SFSWAP: variants seen among roughly 807,000 people sequenced by gnomAD.
SFSWAP encodes splicing factor SWAP.
A neutral mutation model predicts 100.7 loss-of-function variants in SFSWAP; 17 were observed. That is an observed-to-expected ratio of 0.17 (90% confidence interval 0.12 to 0.25). SFSWAP has a LOEUF of 0.25. Among genes scored for constraint, SFSWAP ranks in the 10% least tolerant of loss-of-function variants. SFSWAP has a pLI of 1.00. For missense variants in SFSWAP, 1,005 were observed against 1,262.6 expected (o/e 0.80, Z 3.09); for synonymous variants, 504 against 510.1 (o/e 0.99, Z 0.16).
intron 13 of SFSWAP, among the ~76,000 whole-genome samples, chr12:131,771,161 A>G (rs1326827108): frequency 6.6e-6 from 1 of 152,214 alleles, no homozygotes; most frequent in African/African-American, 2.4e-5. Flanking sequence ...ATAGGGGATC[A>G]TACCCTACAT....
At chr12:131,793,029 C>T (rs1411478900) in intron 15 of SFSWAP, among the ~76,000 whole-genome samples, 1 of 151,924 alleles carries the variant, frequency 6.6e-6, no homozygotes, top group African/African-American at 2.4e-5. Context: ...ATTCCATACC[C>T]AAAGGGCAGG....
At chr12:131,751,673 G>C (rs1348184398) in intron 7 of SFSWAP, among the ~76,000 whole-genome samples, 1 of 152,242 alleles carries the variant, frequency 6.6e-6, no homozygotes, top group Non-Finnish European at 1.5e-5. Flanking sequence ...TTGATAGGAA[G>C]CCTATGTTGG....
intron 14 of SFSWAP, 46 bp from the exon 15 acceptor site, chr12:131,786,417 C>T (rs762360554): frequency 6.5e-6 from 10 of 1,549,794 alleles, no homozygotes; most frequent in Admixed American, 3.8e-5. Flanking sequence ...TGACACGTCC[C>T]GCCAGCCAGG....
intron 11 of SFSWAP, among the ~76,000 whole-genome samples, chr12:131,762,491 T>C (rs960853756): frequency 6.6e-6 from 1 of 152,242 alleles, no homozygotes; most frequent in Admixed American, 6.5e-5. Flanking sequence ...TACTCTTATT[T>C]GTTGATTGCG....
intron 11 of SFSWAP, among the ~76,000 whole-genome samples, chr12:131,759,915 A>G (rs1034834958): frequency 6.6e-5 from 10 of 152,252 alleles, no homozygotes; most frequent in African/African-American, 2.4e-4. Context: ...TTTACATATT[A>G]ACAGATGAGT....
chr12:131,776,279 C>T (rs1884016652), intron 13 of SFSWAP, among the ~76,000 whole-genome samples: 3 of 152,132 alleles, frequency 2.0e-5, no homozygotes, highest in African/African-American at 7.2e-5. Flanking sequence ...AACCTCATAG[C>T]GGCCATCAGA....
intron 13 of SFSWAP, 142 bp from the exon 14 acceptor site, chr12:131,777,923 C>G (rs1410922552): frequency 1.5e-5 from 21 of 1,374,256 alleles, no homozygotes; most frequent in Non-Finnish European, 1.9e-5. Context: ...GGAGGTCACT[C>G]TGGATAGCCA....
At chr12:131,781,382 C>T (rs1412787021) in intron 14 of SFSWAP, among the ~76,000 whole-genome samples, 1 of 151,650 alleles carries the variant, frequency 6.6e-6, no homozygotes, top group African/African-American at 2.4e-5. Context: ...GGACTACAGG[C>T]GCCCGCCACC....
intron 13 of SFSWAP, among the ~76,000 whole-genome samples, chr12:131,767,539 A>G (rs1181233871): frequency 1.3e-5 from 2 of 152,242 alleles, no homozygotes; most frequent in Non-Finnish European, 2.9e-5. Flanking sequence ...GCATTTTAGT[A>G]GCTAGTCCTG....
intron 7 of SFSWAP, among the ~76,000 whole-genome samples, chr12:131,747,652 CAG>C (rs980752414): frequency 3.7e-4 from 56 of 152,284 alleles, no homozygotes; most frequent in African/African-American, 1.3e-3. Context: ...GGGCAGGACT[CAG>C]AGCTGAATCA....
intron 7 of SFSWAP, among the ~76,000 whole-genome samples, chr12:131,732,075 A>G (rs1037501176): frequency 4.0e-5 from 6 of 151,178 alleles, no homozygotes; most frequent in Admixed American, 3.3e-4. Context: ...ACGCCTGGCT[A>G]ATTTTTGTAT....
intron 7 of SFSWAP, among the ~76,000 whole-genome samples, chr12:131,744,818 G>A (rs1880965272): frequency 6.6e-6 from 1 of 152,206 alleles, no homozygotes; most frequent in Non-Finnish European, 1.5e-5. Flanking sequence ...TGGCTGGGGA[G>A]GCCTCACAAT....
chr12:131,729,701 T>G (rs565074423), intron 7 of SFSWAP, among the ~76,000 whole-genome samples: 18 of 152,282 alleles, frequency 1.2e-4, no homozygotes, highest in African/African-American at 4.1e-4. Flanking sequence ...TATTCAGAGG[T>G]TAAATATGGA....
chr12:131,727,980 A>G (rs1879142045), intron 6 of SFSWAP, among the ~76,000 whole-genome samples: 2 of 152,236 alleles, frequency 1.3e-5, no homozygotes, highest in Admixed American at 1.3e-4. Context: ...AAACTCCTAT[A>G]AGGAAAGACA....
chr12:131,779,996 G>T (rs1225059192), intron 14 of SFSWAP, among the ~76,000 whole-genome samples: 2 of 152,178 alleles, frequency 1.3e-5, no homozygotes, highest in Non-Finnish European at 2.9e-5. Context: ...ATGTTGGCCA[G>T]GCTGGTCTCG....
At chr12:131,785,003 TCAGAG>T in intron 14 of SFSWAP, 2 of 1,290,364 alleles carry the variant, frequency 1.5e-6, no homozygotes, top group Admixed American at 2.8e-5. Context: ...AGAGCTTTTT[TCAGAG>T]TTCTGGTAGC....
intron 7 of SFSWAP, among the ~76,000 whole-genome samples, chr12:131,750,883 G>A (rs1230037896): frequency 6.9e-6 from 1 of 144,712 alleles, no homozygotes; most frequent in South Asian, 2.2e-4. Flanking sequence ...TTTGGAGATG[G>A]GGTCTGATGG....
rs1879730813 is a variant in SFSWAP, at chr12:131,733,726, T to C, written c.1081+5298T>C. Reference sequence around the variant, plus strand: ...AGGACAGGCACAGAGGACTCCACCCTGGAGTCACAGGCTTGGTGAGGTGGG... The same window carrying C: ...AGGACAGGCACAGAGGACTCCACCCCGGAGTCACAGGCTTGGTGAGGTGGG... On this transcript the variant is annotated intron_variant, in intron 7 of 17. Coordinates refer to ENST00000261674, the MANE Select transcript of SFSWAP (RefSeq NM_004592.4). The surrounding 1 kb of genome is among the most constrained non-coding windows in gnomAD (Gnocchi z 5.1). Among the ~76,000 whole-genome samples the C allele has an allele frequency of 6.6e-6, 1 of 151,910 alleles. No homozygotes were observed. The highest frequency in any genetic ancestry group is 2.4e-5 in the African/African-American group (1 of 41,358).
intron 11 of SFSWAP, among the ~76,000 whole-genome samples, chr12:131,759,128 T>C (rs1383262935): frequency 6.6e-6 from 1 of 152,158 alleles, no homozygotes; most frequent in Non-Finnish European, 1.5e-5. Context: ...AAGTTAACAC[T>C]AGAAAATAAA....
Sources: gnomAD v4.1 joint callset for allele counts (sites outside exome capture counted in the v4.1 genomes callset) on GRCh38, gnomAD v4.1.1 for gene constraint, Gnocchi (gnomAD v3.1) non-coding constraint, MANE v1.5 for transcripts, NCBI Gene and HGNC (gene_info 2026-07-23, HGNC 2026-07-21) for gene names.